TMEM74: variants seen among roughly 807,000 people sequenced by gnomAD.
TMEM74 encodes transmembrane protein 74.
Under a neutral mutation model 18.1 loss-of-function variants are expected in TMEM74, and 13 were observed. The observed-to-expected ratio is 0.72, with a 90% CI of 0.47 to 1.14. The LOEUF (loss-of-function observed/expected upper bound fraction) is 1.14. TMEM74 is among the 50% of genes most tolerant of loss of function. The probability of loss-of-function intolerance (pLI) is 0.00; values close to 1 mark genes in which losing one functional copy is unlikely to be tolerated. For missense variants in TMEM74, 372 were observed against 375.9 expected (o/e 0.99, Z 0.09); for synonymous variants, 159 against 146.6 (o/e 1.08, Z -0.61).
chr8:108,619,823 A>C (rs983666608), intron 2 of TMEM74, among the ~76,000 whole-genome samples: 2 of 152,184 alleles, frequency 1.3e-5, no homozygotes, highest in African/African-American at 4.8e-5. Context: ...GAATCTTTTA[A>C]ATGTCTGTGT....
intron 2 of TMEM74, among the ~76,000 whole-genome samples, chr8:108,645,138 G>A (rs1812703874): frequency 6.6e-6 from 1 of 152,108 alleles, no homozygotes; most frequent in African/African-American, 2.4e-5. Context: ...ATAAAAAAAT[G>A]TGGTGCATAT....
chr8:108,675,629 G>A (rs959195844), intron 1 of TMEM74, among the ~76,000 whole-genome samples: 9 of 152,304 alleles, frequency 5.9e-5, no homozygotes, highest in Admixed American at 2.0e-4. Context: ...GAGCACAAGG[G>A]AATTAAATAG....
At chr8:108,626,366 A>T (rs1409822225) in intron 2 of TMEM74, among the ~76,000 whole-genome samples, 1 of 152,036 alleles carries the variant, frequency 6.6e-6, no homozygotes, top group Non-Finnish European at 1.5e-5. Context: ...CATTAGATTT[A>T]ATATCATTTT....
At chr8:108,664,694 G>A (rs1812932221) in intron 1 of TMEM74, among the ~76,000 whole-genome samples, 1 of 152,024 alleles carries the variant, frequency 6.6e-6, no homozygotes, top group African/African-American at 2.4e-5. Flanking sequence ...CCAAAGCCAA[G>A]TCTTAAAGAT....
chr8:108,702,999 G>A (rs181250919), intron 1 of TMEM74, among the ~76,000 whole-genome samples: 3 of 152,048 alleles, frequency 2.0e-5, no homozygotes, highest in Non-Finnish European at 4.4e-5. Context: ...AGCACTGGAA[G>A]GGGTCATGGA....
chr8:108,663,393 A>G (rs1371594196), intron 1 of TMEM74, among the ~76,000 whole-genome samples: 6 of 152,202 alleles, frequency 3.9e-5, no homozygotes, highest in Non-Finnish European at 4.4e-5. Context: ...GAGAAATGCA[A>G]ATCAAAACCA....
At chr8:108,668,657 A>G (rs1425498064) in intron 1 of TMEM74, among the ~76,000 whole-genome samples, 3 of 152,204 alleles carry the variant, frequency 2.0e-5, no homozygotes, top group African/African-American at 7.2e-5. Flanking sequence ...CAAGGAAAGA[A>G]ACCAGTTTTT....
At chr8:108,622,970 A>C (rs1812457963) in intron 2 of TMEM74, among the ~76,000 whole-genome samples, 1 of 152,102 alleles carries the variant, frequency 6.6e-6, no homozygotes, top group Non-Finnish European at 1.5e-5. Context: ...AATTGCTTAA[A>C]GTTTAGAATC....
At chr8:108,661,455 C>T (rs1365863952) in intron 1 of TMEM74, among the ~76,000 whole-genome samples, 1 of 139,054 alleles carries the variant, frequency 7.2e-6, no homozygotes, top group Non-Finnish European at 1.5e-5. Context: ...AGTAATGGCA[C>T]ATTGGTCTTT....
At chr8:108,685,321 C>A (rs1362212563) in intron 1 of TMEM74, among the ~76,000 whole-genome samples, 2 of 151,834 alleles carry the variant, frequency 1.3e-5, no homozygotes, top group African/African-American at 4.8e-5. Flanking sequence ...GTTTATTTAC[C>A]CATTCTAATA....
chr8:108,656,494 T>C (rs185676808), intron 1 of TMEM74, among the ~76,000 whole-genome samples: 4 of 152,332 alleles, frequency 2.6e-5, no homozygotes, highest in Admixed American at 2.6e-4. Context: ...ATAGAGTTAC[T>C]CTTCACTATA....
At chr8:108,718,593 G>T (rs1813552723) in intron 1 of TMEM74, among the ~76,000 whole-genome samples, 1 of 152,130 alleles carries the variant, frequency 6.6e-6, no homozygotes, top group Non-Finnish European at 1.5e-5. Context: ...GATACACTAG[G>T]ATTTTTGACA....
At chr8:108,640,762 CT>C (rs547504427) in intron 2 of TMEM74, among the ~76,000 whole-genome samples, 20 of 152,250 alleles carry the variant, frequency 1.3e-4, no homozygotes, top group Admixed American at 7.9e-4. Flanking sequence ...TAGTTGGTAT[CT>C]TGGGATAATG....
At chr8:108,747,784 G>A (rs1380449995) in intron 1 of TMEM74, among the ~76,000 whole-genome samples, 1 of 128,122 alleles carries the variant, frequency 7.8e-6, no homozygotes, top group Non-Finnish European at 1.6e-5. Flanking sequence ...TCATTATTTA[G>A]CTCCCACTTA....
At chr8:108,624,660 A>G (rs536380023) in intron 2 of TMEM74, among the ~76,000 whole-genome samples, 7 of 152,058 alleles carry the variant, frequency 4.6e-5, no homozygotes, top group Non-Finnish European at 7.4e-5. Flanking sequence ...CATTTTTCTC[A>G]TAACACCTAT....
chr8:108,669,232 C>G (rs1055196396), intron 1 of TMEM74, among the ~76,000 whole-genome samples: 1 of 152,046 alleles, frequency 6.6e-6, no homozygotes, highest in African/African-American at 2.4e-5. Flanking sequence ...ACTTCCTGAC[C>G]CTCAAAGCAT....
chr8:108,613,038 G>GA lies in TMEM74; in HGVS notation n.265-4213dup, dbSNP rs199813519. Among the ~76,000 whole-genome samples the GA allele has an allele frequency of 3.4e-3, 510 of 152,052 alleles. 6 individuals carry two copies. Among genetic ancestry groups the GA allele is most frequent in the Non-Finnish European group, 3.1e-3 (213 of 67,946 alleles). On this transcript the variant is annotated intron_variant and non_coding_transcript_variant, in intron 2 of 3. Coordinates refer to the TMEM74 transcript ENST00000518838. The stretch of plus-strand genomic sequence containing the variant: ...GAATTATAAAAATAAAGAATTCAAA[G>GA]AAAAAAAGCAGTATTTGATTGAGTT...
chr8:108,766,660 TTTA>T (rs3083599), intron 1 of TMEM74, among the ~76,000 whole-genome samples: 38,834 of 151,630 alleles, frequency 0.26, 5,426 homozygotes, highest in Middle Eastern at 0.33. Context: ...TGAAAGGGAG[TTTA>T]TTAAGGAAAA....
intron 1 of TMEM74, among the ~76,000 whole-genome samples, chr8:108,682,871 A>C (rs1813129848): frequency 6.6e-6 from 1 of 151,958 alleles, no homozygotes; most frequent in African/African-American, 2.4e-5. Context: ...GATATTAATA[A>C]TAATGAAATA....
Sources: allele counts gnomAD v4.1 joint callset (sites outside exome capture counted in the v4.1 genomes callset), GRCh38; gene constraint gnomAD v4.1.1; transcripts MANE v1.5; gene names NCBI Gene and HGNC (gene_info 2026-07-23, HGNC 2026-07-21).